The following SND1 variants were observed in gnomAD, a reference collection of about 807,000 sequenced individuals.
SND1 encodes the protein staphylococcal nuclease and tudor domain containing 1, also known as staphylococcal nuclease domain-containing protein 1.
In SND1, 38 loss-of-function variants were observed where a neutral mutation model predicts 121.7. The observed-to-expected ratio is 0.31, with a 90% CI of 0.24 to 0.41. The LOEUF (loss-of-function observed/expected upper bound fraction) is 0.41. Among genes scored for constraint, SND1 ranks in the 10% least tolerant of loss-of-function variants. The pLI is 1.00. For synonymous variants in SND1, 401 were observed against 447.4 expected (o/e 0.90, Z 1.31); for missense variants, 868 against 1,184.6 (o/e 0.73, Z 3.92).
At chr7:128,025,323 T>C (rs1289019519) in intron 16 of SND1, among the ~76,000 whole-genome samples, 2 of 152,198 alleles carry the variant, frequency 1.3e-5, no homozygotes, top group African/African-American at 2.4e-5. Flanking sequence ...TCAAAAGACC[T>C]GGGCTTTTAG....
intron 14 of SND1, among the ~76,000 whole-genome samples, chr7:127,913,827 G>A (rs1295672298): frequency 6.6e-6 from 1 of 152,130 alleles, no homozygotes; most frequent in Non-Finnish European, 1.5e-5. Context: ...ATTGTGTCCT[G>A]TGGCTATTGC....
intron 14 of SND1, among the ~76,000 whole-genome samples, chr7:127,921,012 T>G (rs1278805699): frequency 6.6e-6 from 1 of 152,184 alleles, no homozygotes; most frequent in Non-Finnish European, 1.5e-5. Context: ...ATGGTTAAAT[T>G]TGGGAAACTG....
chr7:127,789,804 C>A (rs1797877801), intron 10 of SND1, among the ~76,000 whole-genome samples: 1 of 152,156 alleles, frequency 6.6e-6, no homozygotes, highest in Non-Finnish European at 1.5e-5. Flanking sequence ...TTGCTGTGCA[C>A]TTTTACTGGA....
chr7:127,708,275 C>T (rs1796237422), intron 9 of SND1, among the ~76,000 whole-genome samples: 1 of 151,888 alleles, frequency 6.6e-6, no homozygotes, highest in South Asian at 2.1e-4. Context: ...AGTAGGCTAC[C>T]TAACCTAAGG....
At position 128,087,014 on chromosome 7, in the gene SND1, C is replaced by T. The variant is rs759076341; in HGVS notation, c.2381C>T (p.Thr794Met). The T allele has an allele frequency of 5.6e-6, 9 of 1,614,222 alleles. No homozygotes were observed. The highest frequency in any genetic ancestry group is 5.5e-5 in the South Asian group (5 of 91,088). ...FSTRVLPAQATEYAFAFIQVP... is the reference protein window; with the variant it reads ...FSTRVLPAQAMEYAFAFIQVP... ...ACTCGGGTGCTGCCAGCTCAAGCCA[C>T]GGAGTATGCCTTCGCCTTCATCCAG... The change falls in exon 21 of 24, where the codon ACG becomes ATG. Residue 794 changes from threonine to methionine, a missense_variant. Thr to Met is a moderately conservative substitution (Grantham distance 81). This residue lies in a region of SND1 where 743 missense variants were observed against 1,071.3 expected (regional missense o/e 0.69). Transcript: ENST00000354725.
intron 10 of SND1, among the ~76,000 whole-genome samples, chr7:127,747,677 A>G (rs1797006039): frequency 6.6e-6 from 1 of 152,352 alleles, no homozygotes; most frequent in South Asian, 2.1e-4. Flanking sequence ...TGACTCTTGC[A>G]TGTATAGGCC....
intron 12 of SND1, among the ~76,000 whole-genome samples, chr7:127,852,401 T>A (rs1222807753): frequency 3.4e-5 from 5 of 148,050 alleles, no homozygotes; most frequent in African/African-American, 1.3e-4. Context: ...GGCAGGAGAA[T>A]CGCTTGAACC....
At chr7:127,894,117 A>C (rs946035859) in intron 13 of SND1, among the ~76,000 whole-genome samples, 1 of 152,094 alleles carries the variant, frequency 6.6e-6, no homozygotes, top group Non-Finnish European at 1.5e-5. Flanking sequence ...ATCCCTGGCT[A>C]TTATTAAGAG....
At chr7:127,986,199 T>C (rs1400393028) in intron 15 of SND1, among the ~76,000 whole-genome samples, 3 of 152,250 alleles carry the variant, frequency 2.0e-5, no homozygotes, top group Non-Finnish European at 4.4e-5. Context: ...CCCATTGTCT[T>C]GTCATTAACA....
At chr7:127,681,446 C>G (rs61148595) in intron 1 of SND1, among the ~76,000 whole-genome samples, 1 of 151,964 alleles carries the variant, frequency 6.6e-6, no homozygotes, top group Non-Finnish European at 1.5e-5. Flanking sequence ...ATATTTTTTT[C>G]TTTCTTGATA....
rs117565980 is a variant in SND1, at chr7:128,082,306, T to G, written c.2110+805T>G. ...CTGGATCCCAGGAAACAAATCATGG[T>G]AGGCACAGGTGGACAGAGGGGGCTA... On this transcript the variant is annotated intron_variant, in intron 18 of 23. Transcript: ENST00000354725. Among the ~76,000 whole-genome samples the G allele has an allele frequency of 2.3e-3, 355 of 152,340 alleles. 2 individuals are homozygous for G. The highest frequency in any genetic ancestry group is 3.2e-3 in the Non-Finnish European group (221 of 68,026).
intron 11 of SND1, among the ~76,000 whole-genome samples, chr7:127,838,789 G>A (rs1201912648): frequency 6.6e-6 from 1 of 152,124 alleles, no homozygotes; most frequent in Non-Finnish European, 1.5e-5. Context: ...ACATGTATCT[G>A]ATTTATGCAT....
intron 15 of SND1, among the ~76,000 whole-genome samples, chr7:127,940,929 A>G (rs1305660119): frequency 6.6e-6 from 1 of 152,254 alleles, no homozygotes; most frequent in Non-Finnish European, 1.5e-5. Context: ...GGACAGGGCC[A>G]CTGACCACAG....
intron 12 of SND1, among the ~76,000 whole-genome samples, chr7:127,882,727 A>G (rs1449672386): frequency 1.3e-5 from 2 of 152,286 alleles, no homozygotes; most frequent in African/African-American, 2.4e-5. Context: ...TCCCCTGGCT[A>G]CAGATGGCTC....
At chr7:127,702,230 TCTAATCTGCATTCTCCA>T (rs1336593997) in intron 5 of SND1, among the ~76,000 whole-genome samples, 188 bp from the exon 6 acceptor site, 1 of 152,162 alleles carries the variant, frequency 6.6e-6, no homozygotes, top group Admixed American at 6.5e-5. Context: ...GAGAAGCAGG[TCTAATCTGCATTCTCCA>T]GGAATCATTT....
rs114840121 is a variant in SND1 at position 128,072,963 on chromosome 7, G to A, written c.1780-1539G>A. Among the ~76,000 whole-genome samples the A allele has an allele frequency of 5.1e-3, 770 of 152,348 alleles. 5 individuals are homozygous for A. The highest frequency in any genetic ancestry group is 0.018 in the African/African-American group (742 of 41,576). ...GGACTCTGTCGTGAATTCAGGCACTGGGTCAGCCCAGCCCAGAATTGGGGC... is the reference window on the plus strand; with the variant it reads ...GGACTCTGTCGTGAATTCAGGCACTAGGTCAGCCCAGCCCAGAATTGGGGC... On this transcript the variant is annotated intron_variant, in intron 16 of 23. Transcript: ENST00000354725.
At chr7:127,823,120 A>C (rs1216097940) in intron 11 of SND1, among the ~76,000 whole-genome samples, 2 of 152,212 alleles carry the variant, frequency 1.3e-5, no homozygotes, top group Non-Finnish European at 2.9e-5. Context: ...GCTGAGTGAG[A>C]GACAGAAGGG....
intron 16 of SND1, chr7:128,030,461 C>T: frequency 6.2e-7 from 1 of 1,613,656 alleles, no homozygotes; most frequent in South Asian, 1.1e-5. Context: ...GGCGCGTGCA[C>T]ACCACCTTGC....
chr7:127,975,745 G>C (rs967034477), intron 15 of SND1, among the ~76,000 whole-genome samples: 3 of 152,140 alleles, frequency 2.0e-5, no homozygotes, highest in Non-Finnish European at 4.4e-5. Flanking sequence ...ACTACAGAAG[G>C]GGTGGCTCCT....
Sources: gnomAD v4.1 joint callset for allele counts (sites outside exome capture counted in the v4.1 genomes callset) on GRCh38, gnomAD v4.1.1 for gene constraint, gnomAD v4.1.1 regional missense constraint, MANE v1.5 for transcripts, NCBI Gene and HGNC (gene_info 2026-07-23, HGNC 2026-07-21) for gene names.